Variants in NRG3 observed in about 807,000 individuals in gnomAD.
The protein encoded by NRG3 is neuregulin 3, also known as pro-neuregulin-3, membrane-bound isoform.
A neutral mutation model predicts 66.9 loss-of-function variants in NRG3; 31 were observed. The ratio of observed to expected loss-of-function variants is 0.46; its 90% CI spans 0.35 to 0.63. The LOEUF (loss-of-function observed/expected upper bound fraction) is 0.63, where lower values mean the gene tolerates loss of function less well. Ranked by LOEUF, NRG3 falls within the 20% of genes least tolerant of loss-of-function variation. The probability of loss-of-function intolerance (pLI) is 0.00; values close to 1 mark genes in which losing one functional copy is unlikely to be tolerated. For synonymous variants in NRG3, 393 were observed against 359.4 expected (o/e 1.09, Z -1.06); for missense variants, 910 against 878.9 (o/e 1.04, Z -0.45).
rs2053293364 is a variant in NRG3 at position 82,671,736 on chromosome 10, A to G, written c.954-66841A>G. Reference sequence around the variant, plus strand: ...ACAGAGAGATGAACCAACTCAGTTGAAACCACACACCTATTCAAAAGTAGA... The same window carrying G: ...ACAGAGAGATGAACCAACTCAGTTGGAACCACACACCTATTCAAAAGTAGA... On this transcript the variant is annotated intron_variant, in intron 2 of 8. Coordinates refer to ENST00000372141, the MANE Select transcript of NRG3 (RefSeq NM_001010848.4). Among the ~76,000 whole-genome samples, 5 of 152,362 alleles carry G rather than the reference A, an allele frequency of 3.3e-5. No homozygotes were observed. The South Asian group carries it at 1.0e-3, about 32-fold the overall frequency.
chr10:81,999,238 C>T (rs911287815), intron 1 of NRG3, among the ~76,000 whole-genome samples: 1 of 152,160 alleles, frequency 6.6e-6, no homozygotes, highest in African/African-American at 2.4e-5. Flanking sequence ...AAAACATGTT[C>T]TTACGAGACC....
At chr10:82,837,789 G>C (rs1467945478) in intron 3 of NRG3, among the ~76,000 whole-genome samples, 1 of 152,134 alleles carries the variant, frequency 6.6e-6, no homozygotes, top group Non-Finnish European at 1.5e-5. Context: ...TGGTTAAAAT[G>C]CTGCTGAAAA....
At chr10:81,931,355 C>T (rs979435405) in intron 1 of NRG3, among the ~76,000 whole-genome samples, 4 of 152,180 alleles carry the variant, frequency 2.6e-5, no homozygotes, top group African/African-American at 9.6e-5. Flanking sequence ...ATTCTGTCTT[C>T]CAGGAACCAG....
intron 5 of NRG3, among the ~76,000 whole-genome samples, chr10:82,954,013 G>A (rs577461314): frequency 6.6e-6 from 1 of 151,120 alleles, no homozygotes; most frequent in African/African-American, 2.4e-5. Flanking sequence ...GTGTTTAAAA[G>A]AGTAAATACC....
At chr10:82,210,181 T>C (rs765358797) in intron 1 of NRG3, among the ~76,000 whole-genome samples, 12 of 152,166 alleles carry the variant, frequency 7.9e-5, no homozygotes, top group Non-Finnish European at 1.5e-4. Flanking sequence ...TTGCCAAGTA[T>C]AAAGACTTTA....
At chr10:82,676,703 G>A (rs940651840) in intron 2 of NRG3, among the ~76,000 whole-genome samples, 5 of 151,984 alleles carry the variant, frequency 3.3e-5, no homozygotes, top group South Asian at 2.1e-4. Context: ...GGCTGGTCTT[G>A]AATTCCTGAC....
chr10:82,440,730 A>T (rs902836861), intron 2 of NRG3, among the ~76,000 whole-genome samples: 1 of 152,170 alleles, frequency 6.6e-6, no homozygotes, highest in Non-Finnish European at 1.5e-5. Flanking sequence ...AATGATTGCA[A>T]TTCTTTTATC....
At chr10:82,202,649 T>G (rs2074901610) in intron 1 of NRG3, among the ~76,000 whole-genome samples, 1 of 152,208 alleles carries the variant, frequency 6.6e-6, no homozygotes, top group Non-Finnish European at 1.5e-5. Flanking sequence ...AATGCTCTGA[T>G]TGAATCCACA....
chr10:82,789,648 T>A (rs1027915765), intron 3 of NRG3, among the ~76,000 whole-genome samples: 1 of 152,070 alleles, frequency 6.6e-6, no homozygotes, highest in Non-Finnish European at 1.5e-5. Context: ...AATATCTGCC[T>A]TTTATTGGAA....
chr10:82,316,575 A>T (rs1016178233), intron 1 of NRG3, among the ~76,000 whole-genome samples: 1 of 152,174 alleles, frequency 6.6e-6, no homozygotes, highest in African/African-American at 2.4e-5. Context: ...TTTAAGTGAC[A>T]GTCCACTGTG....
At chr10:81,893,743 G>A (rs1312672534) in intron 1 of NRG3, among the ~76,000 whole-genome samples, 1 of 152,144 alleles carries the variant, frequency 6.6e-6, no homozygotes, top group Admixed American at 6.6e-5. Context: ...AACTACTACT[G>A]TGGAAGGCAG....
chr10:82,857,520 G>A (rs2063873904), intron 3 of NRG3, among the ~76,000 whole-genome samples: 1 of 152,218 alleles, frequency 6.6e-6, no homozygotes, highest in Non-Finnish European at 1.5e-5. Flanking sequence ...GAGGTTGGGT[G>A]TGGGAGATTG....
rs376775163 is a variant in NRG3, at chr10:82,022,679, G to C, written c.823+146516G>C. Among the ~76,000 whole-genome samples, 101 of 152,080 alleles carry C rather than the reference G, an allele frequency of 6.6e-4. 1 individual carries two copies. Among genetic ancestry groups the C allele is most frequent in the African/African-American group, 2.3e-3 (94 of 41,528 alleles). ...AAGTCATAAAATCAACTATGCCTTA[G>C]ATCTGCATTGTCAAATCGGAAGCTA... is the stretch of plus-strand genomic sequence containing the variant. On this transcript the variant is annotated intron_variant, in intron 1 of 8. Coordinates refer to ENST00000372141, the MANE Select transcript of NRG3 (RefSeq NM_001010848.4).
intron 2 of NRG3, among the ~76,000 whole-genome samples, chr10:82,527,312 T>TA (rs11316759): frequency 9.8e-4 from 125 of 128,116 alleles, no homozygotes; most frequent in East Asian, 4.3e-3. Context: ...TATGTAAAAT[T>TA]AAAAAAAAAA....
intron 1 of NRG3, among the ~76,000 whole-genome samples, chr10:82,278,147 C>T (rs752466315): frequency 1.3e-5 from 2 of 151,966 alleles, no homozygotes; most frequent in Admixed American, 6.6e-5. Flanking sequence ...TTTGAAATCA[C>T]GATTTACACT....
chr10:82,578,232 C>T (rs1193699534), intron 2 of NRG3, among the ~76,000 whole-genome samples: 2 of 149,742 alleles, frequency 1.3e-5, no homozygotes, highest in South Asian at 2.1e-4. Flanking sequence ...ATGTTAAATG[C>T]CATTTATTGT....
intron 4 of NRG3, among the ~76,000 whole-genome samples, chr10:82,906,690 C>G (rs1402426284): frequency 2.0e-5 from 3 of 152,106 alleles, no homozygotes; most frequent in African/African-American, 4.8e-5. Context: ...TCCTAATATG[C>G]TTTCTCGCAT....
intron 3 of NRG3, among the ~76,000 whole-genome samples, chr10:82,789,475 C>G (rs1001324124): frequency 2.0e-5 from 3 of 151,872 alleles, no homozygotes; most frequent in African/African-American, 7.2e-5. Flanking sequence ...TTTATTTTGC[C>G]TGATATTAGT....
rs148506644 is a variant in NRG3, at chr10:82,022,634, C to T, written c.823+146471C>T. Among the ~76,000 whole-genome samples the T allele has an allele frequency of 3.4e-4, 51 of 152,092 alleles. 2 individuals are homozygous for T. In the East Asian group the frequency reaches 9.3e-3, roughly 28 times the overall value. ...AGATACTGACCTAAATTATTACTTGCCCTGGCCTTTTGGGGAAGAAAGTCA... is the reference window on the plus strand; with the variant it reads ...AGATACTGACCTAAATTATTACTTGTCCTGGCCTTTTGGGGAAGAAAGTCA... On this transcript the variant is annotated intron_variant, in intron 1 of 8. Coordinates refer to ENST00000372141, the MANE Select transcript of NRG3 (RefSeq NM_001010848.4).
Sources: allele counts gnomAD v4.1 joint callset (sites outside exome capture counted in the v4.1 genomes callset), GRCh38; gene constraint gnomAD v4.1.1; transcripts MANE v1.5; gene names NCBI Gene and HGNC (gene_info 2026-07-23, HGNC 2026-07-21).